The following DTNB variants were observed in gnomAD, a reference collection of about 807,000 sequenced individuals.
DTNB encodes DTN-B.
A neutral mutation model predicts 90.7 loss-of-function variants in DTNB; 63 were observed. The ratio of observed to expected loss-of-function variants is 0.69; its 90% confidence interval spans 0.57 to 0.86. DTNB has a LOEUF of 0.86. Ranked by LOEUF, DTNB falls within the 40% of genes least tolerant of loss-of-function variation. The probability of loss-of-function intolerance (pLI) is 0.00; values close to 1 mark genes in which losing one functional copy is unlikely to be tolerated. For missense variants in DTNB, 744 were observed against 807.1 expected (o/e 0.92, Z 0.95); for synonymous variants, 277 against 286.7 (o/e 0.97, Z 0.34).
intron 15 of DTNB, among the ~76,000 whole-genome samples, chr2:25,426,095 C>T (rs1278328389): frequency 2.0e-5 from 3 of 152,128 alleles, no homozygotes; most frequent in Non-Finnish European, 4.4e-5. Context: ...AGCTAATATG[C>T]TATCTTACTC....
At chr2:25,565,080 A>T (rs968608096) in intron 8 of DTNB, among the ~76,000 whole-genome samples, 2 of 152,174 alleles carry the variant, frequency 1.3e-5, no homozygotes, top group Admixed American at 6.5e-5. Flanking sequence ...TTCCTTTTCA[A>T]TATGGATGCA....
chr2:25,570,106 A>G (rs1373679452), intron 8 of DTNB, among the ~76,000 whole-genome samples: 1 of 151,706 alleles, frequency 6.6e-6, no homozygotes, highest in African/African-American at 2.4e-5. Context: ...GGAAAAAAAA[A>G]AAAAAAAAGG....
At chr2:25,444,054 C>T (rs2058000149) in intron 12 of DTNB, among the ~76,000 whole-genome samples, 1 of 152,018 alleles carries the variant, frequency 6.6e-6, no homozygotes, top group South Asian at 2.1e-4. Flanking sequence ...GTGATAGTTT[C>T]CCCTTTCTTT....
chr2:25,643,882 C>T (rs2148871987), intron 2 of DTNB, among the ~76,000 whole-genome samples: 1 of 152,216 alleles, frequency 6.6e-6, no homozygotes, highest in East Asian at 1.9e-4. Context: ...AGGAGGTCAG[C>T]CCAAGATACA....
At chr2:25,523,619 C>A (rs1397687397) in intron 9 of DTNB, among the ~76,000 whole-genome samples, 2 of 137,358 alleles carry the variant, frequency 1.5e-5, no homozygotes. Context: ...CCAGCCTGGG[C>A]GACAGAGCAA....
intron 10 of DTNB, among the ~76,000 whole-genome samples, chr2:25,463,786 A>G (rs991030494): frequency 2.6e-5 from 4 of 152,138 alleles, no homozygotes; most frequent in African/African-American, 9.7e-5. Flanking sequence ...GCTAGAGGAA[A>G]CCCCGTGGTA....
At chr2:25,430,785 G>C (rs895835841) in intron 14 of DTNB, among the ~76,000 whole-genome samples, 2 of 152,180 alleles carry the variant, frequency 1.3e-5, no homozygotes, top group African/African-American at 4.8e-5. Flanking sequence ...CATATTATGA[G>C]TTCTCAAATA....
chr2:25,480,434 T>G (rs1344241168), intron 10 of DTNB, among the ~76,000 whole-genome samples: 1 of 152,218 alleles, frequency 6.6e-6, no homozygotes, highest in Admixed American at 6.5e-5. Context: ...CTTTCAAAAA[T>G]GACAGGTATC....
chr2:25,541,887 TGGTTAC>T (rs1221999861), intron 8 of DTNB, among the ~76,000 whole-genome samples: 4 of 152,228 alleles, frequency 2.6e-5, no homozygotes, highest in African/African-American at 4.8e-5. Flanking sequence ...TAGTTCACAA[TGGTTAC>T]GATTTCTTAG....
chr2:25,528,968 A>G (rs977398936), intron 9 of DTNB, among the ~76,000 whole-genome samples: 8 of 152,250 alleles, frequency 5.3e-5, no homozygotes, highest in African/African-American at 1.9e-4. Context: ...ATTCTCCCCA[A>G]TTTGATCTTT....
At chr2:25,595,986 A>T in intron 6 of DTNB, 100 bp downstream of exon 6, 1 of 1,171,960 alleles carries the variant, frequency 8.5e-7, no homozygotes, top group Non-Finnish European at 1.1e-6. Context: ...TCCCCTACTC[A>T]AGACCTTACT....
At chr2:25,548,617 A>G (rs1022040257) in intron 8 of DTNB, among the ~76,000 whole-genome samples, 1 of 152,114 alleles carries the variant, frequency 6.6e-6, no homozygotes, top group African/African-American at 2.4e-5. Flanking sequence ...ATGTGAGCGC[A>G]GTCAGCCTGG....
At chr2:25,618,893 G>T (rs1052293950) in intron 4 of DTNB, among the ~76,000 whole-genome samples, 5 of 152,074 alleles carry the variant, frequency 3.3e-5, no homozygotes, top group Non-Finnish European at 7.4e-5. Context: ...ATCCAACACT[G>T]AGAAAACACC....
chr2:25,531,435 T>A, intron 9 of DTNB, 38 bp downstream of exon 9: 16 of 1,589,748 alleles, frequency 1.0e-5, no homozygotes, highest in Non-Finnish European at 1.3e-5. Flanking sequence ...GGCCCCCATT[T>A]CAGTGTGATC....
intron 3 of DTNB, among the ~76,000 whole-genome samples, chr2:25,637,010 A>G (rs2077260114): frequency 1.3e-5 from 2 of 152,170 alleles, no homozygotes; most frequent in South Asian, 4.1e-4. Flanking sequence ...TGTTTATAAT[A>G]AATGGCAAAA....
intron 2 of DTNB, 98 bp from the exon 3 acceptor site, chr2:25,639,192 G>A: frequency 3.3e-6 from 4 of 1,194,364 alleles, no homozygotes; most frequent in Non-Finnish European, 4.6e-6. Context: ...TAGTATACCA[G>A]TCAGCTAGGA....
chr2:25,583,694 G>A (rs1209567768), intron 6 of DTNB, among the ~76,000 whole-genome samples: 1 of 151,898 alleles, frequency 6.6e-6, no homozygotes, highest in Non-Finnish European at 1.5e-5. Context: ...GCTAATTTTT[G>A]TATTTTTAGT....
intron 10 of DTNB, among the ~76,000 whole-genome samples, chr2:25,459,797 ATAT>A (rs1010776183): frequency 6.6e-6 from 1 of 151,932 alleles, no homozygotes; most frequent in Non-Finnish European, 1.5e-5. Context: ...CCCGGCCCTG[ATAT>A]TATTTATATT....
intron 10 of DTNB, among the ~76,000 whole-genome samples, chr2:25,472,856 C>T (rs1042635082): frequency 2.0e-5 from 3 of 152,180 alleles, no homozygotes; most frequent in South Asian, 2.1e-4. Context: ...TGCACCCTAG[C>T]GCCTGGGTGA....
Sources: gnomAD v4.1 joint callset for allele counts (sites outside exome capture counted in the v4.1 genomes callset) on GRCh38, gnomAD v4.1.1 for gene constraint, MANE v1.5 for transcripts, NCBI Gene and HGNC (gene_info 2026-07-23, HGNC 2026-07-21) for gene names.